The following PLCXD3 variants were observed in gnomAD, a reference collection of about 807,000 sequenced individuals.
PLCXD3 encodes the protein phosphatidylinositol specific phospholipase C X domain containing 3, also known as PI-PLC X domain-containing protein 3.
Under a neutral mutation model 25.5 loss-of-function variants are expected in PLCXD3, and 19 were observed. That is an observed-to-expected ratio of 0.75 (90% CI 0.52 to 1.09). The LOEUF (loss-of-function observed/expected upper bound fraction) is 1.09, where lower values mean the gene tolerates loss of function less well. PLCXD3 is among the 50% of genes least tolerant of loss of function. PLCXD3 has a pLI of 0.00. For missense variants in PLCXD3, 411 were observed against 388.1 expected (o/e 1.06, Z -0.50); for synonymous variants, 174 against 137.6 (o/e 1.26, Z -1.85).
chr5:41,382,628 A>C, intron 1 of PLCXD3, 94 bp from the exon 2 acceptor site: 6 of 947,406 alleles, frequency 6.3e-6, no homozygotes, highest in Non-Finnish European at 9.2e-6. Context: ...TCTCCCTCAA[A>C]TGAGCCACAG....
intron 1 of PLCXD3, among the ~76,000 whole-genome samples, chr5:41,460,680 C>T (rs941760058): frequency 1.1e-4 from 16 of 151,860 alleles, no homozygotes; most frequent in Non-Finnish European, 1.3e-4. Context: ...GATTCATTGC[C>T]CTTTTTACAA....
chr5:41,384,398 A>G (rs535846859), intron 1 of PLCXD3, among the ~76,000 whole-genome samples: 9 of 152,238 alleles, frequency 5.9e-5, no homozygotes, highest in Middle Eastern at 3.4e-3. Context: ...GTTTAAGAAG[A>G]ATTATGATTA....
At chr5:41,432,279 C>A (rs963683658) in intron 1 of PLCXD3, among the ~76,000 whole-genome samples, 1 of 152,210 alleles carries the variant, frequency 6.6e-6, no homozygotes, top group Non-Finnish European at 1.5e-5. Flanking sequence ...TTGCAATTAT[C>A]ATACTTGTGC....
At chr5:41,495,177 C>T (rs1748806905) in intron 1 of PLCXD3, among the ~76,000 whole-genome samples, 2 of 152,216 alleles carry the variant, frequency 1.3e-5, no homozygotes. Flanking sequence ...CTTTGAGCTC[C>T]CAGATTCTCC....
At chr5:41,318,450 G>C (rs939070177) in intron 2 of PLCXD3, among the ~76,000 whole-genome samples, 1 of 152,096 alleles carries the variant, frequency 6.6e-6, no homozygotes, top group African/African-American at 2.4e-5. Context: ...AAAGTGGGGG[G>C]ATGAAGTTAA....
In PLCXD3 at chr5:41,474,893, G is replaced by A. The variant is rs1598735; in HGVS notation, c.103+35531C>T. Among the ~76,000 whole-genome samples the A allele has an allele frequency of 2.1e-3, 319 of 152,198 alleles. 1 individual carries two copies. The highest frequency in any genetic ancestry group is 6.8e-3 in the African/African-American group (281 of 41,536). On this transcript the variant is annotated intron_variant, in intron 1 of 2. Transcript: ENST00000377801. Reference sequence around the variant, plus strand: ...AGTGAGTGTGTCTCCTCCAACTAACGCAACCCGTTCTCTGACTGGGAGATC... The same window carrying A: ...AGTGAGTGTGTCTCCTCCAACTAACACAACCCGTTCTCTGACTGGGAGATC...
chr5:41,446,740 C>G (rs899625200), intron 1 of PLCXD3, among the ~76,000 whole-genome samples: 5 of 151,876 alleles, frequency 3.3e-5, no homozygotes, highest in African/African-American at 9.7e-5. Context: ...TGTTTGAAGC[C>G]CAGGGGTGTA....
Position 41,384,794 on chromosome 5 carries a change from A to G in PLCXD3, c.104-2260T>C, listed in dbSNP as rs114335549. 7.5e-3 allele frequency among the ~76,000 whole-genome samples: 1,137 copies of G among 152,198 alleles called. 12 individuals are homozygous for G. The highest frequency in any genetic ancestry group is 0.026 in the African/African-American group (1,071 of 41,554). ...TGATTTCTTGATCTTCATGGAAAGT[A>G]GCTTCTTAAGGTCAAAATAAGGGAA... is the stretch of plus-strand genomic sequence containing the variant. On this transcript the variant is annotated intron_variant, in intron 1 of 2. Coordinates refer to ENST00000377801, the MANE Select transcript of PLCXD3 (RefSeq NM_001005473.3).
At chr5:41,446,675 T>C (rs1561276096) in intron 1 of PLCXD3, among the ~76,000 whole-genome samples, 1 of 152,012 alleles carries the variant, frequency 6.6e-6, no homozygotes, top group Non-Finnish European at 1.5e-5. Context: ...CATTCAGTCA[T>C]GTGGTGAGCC....
intron 2 of PLCXD3, among the ~76,000 whole-genome samples, chr5:41,341,972 T>C (rs1744165298): frequency 6.6e-6 from 1 of 152,178 alleles, no homozygotes; most frequent in Non-Finnish European, 1.5e-5. Flanking sequence ...AAGAAGGCTT[T>C]GTTCCAATAG....
intron 1 of PLCXD3, among the ~76,000 whole-genome samples, chr5:41,445,599 AT>A (rs1747475727): frequency 6.6e-6 from 1 of 152,152 alleles, no homozygotes; most frequent in African/African-American, 2.4e-5. Flanking sequence ...GATTATCAGA[AT>A]TTTCTTTGAG....
At chr5:41,391,358 T>G (rs367968835) in intron 1 of PLCXD3, among the ~76,000 whole-genome samples, 11 of 152,280 alleles carry the variant, frequency 7.2e-5, no homozygotes, top group African/African-American at 2.4e-4. Context: ...TCTTTCATCT[T>G]GGATACCAAC....
At chr5:41,369,637 T>C (rs1255300391) in intron 2 of PLCXD3, among the ~76,000 whole-genome samples, 1 of 152,058 alleles carries the variant, frequency 6.6e-6, no homozygotes, top group African/African-American at 2.4e-5. Flanking sequence ...GCCACCACCA[T>C]GTCCAGCTAA....
Position 41,381,812 on chromosome 5 carries a change from T to A in PLCXD3, c.812+14A>T. On this transcript the variant is annotated intron_variant, in intron 2 of 2. Transcript: ENST00000377801. ...TTATTTGAGGTTTCCCCCTGACATT[T>A]TAAAGACACTTACCTTTCTGTGATT... 6.3e-7 allele frequency: 1 copy of A among 1,580,760 alleles called. No homozygotes were observed. Among genetic ancestry groups the A allele is most frequent in the Non-Finnish European group, 8.6e-7 (1 of 1,164,776 alleles).
chr5:41,396,690 G>T (rs1298719258), intron 1 of PLCXD3, among the ~76,000 whole-genome samples: 1 of 152,324 alleles, frequency 6.6e-6, no homozygotes, highest in East Asian at 1.9e-4. Context: ...TGTGTTGAAT[G>T]GTTGTGATCA....
intron 2 of PLCXD3, among the ~76,000 whole-genome samples, chr5:41,327,953 G>T (rs1483218878): frequency 6.6e-6 from 1 of 152,076 alleles, no homozygotes; most frequent in Non-Finnish European, 1.5e-5. Context: ...TTACAGGCCT[G>T]AGCCACTGTG....
chr5:41,406,313 T>G (rs145300618), intron 1 of PLCXD3, among the ~76,000 whole-genome samples: 1 of 152,166 alleles, frequency 6.6e-6, no homozygotes, highest in South Asian at 2.1e-4. Context: ...TATAGATGCA[T>G]CAAATATTGA....
At chr5:41,388,675 T>C (rs1056822934) in intron 1 of PLCXD3, among the ~76,000 whole-genome samples, 2 of 151,968 alleles carry the variant, frequency 1.3e-5, no homozygotes, top group Admixed American at 6.6e-5. Context: ...ATTAAGTAAA[T>C]AAGAAAACTA....
intron 1 of PLCXD3, among the ~76,000 whole-genome samples, chr5:41,426,829 G>A (rs1561270085): frequency 6.6e-6 from 1 of 151,966 alleles, no homozygotes; most frequent in Non-Finnish European, 1.5e-5. Context: ...TGAGTGATCA[G>A]TTCTCTCAGT....
Sources: gnomAD v4.1 joint callset for allele counts (sites outside exome capture counted in the v4.1 genomes callset) on GRCh38, gnomAD v4.1.1 for gene constraint, MANE v1.5 for transcripts, NCBI Gene and HGNC (gene_info 2026-07-23, HGNC 2026-07-21) for gene names.